Variants in UPRT observed in about 807,000 individuals in gnomAD.
The protein encoded by UPRT is uracil phosphoribosyltransferase homolog.
In UPRT, 5 loss-of-function variants were observed where a neutral mutation model predicts 22.6. The observed-to-expected ratio is 0.22, with a 90% CI of 0.12 to 0.47. The LOEUF is 0.47. Ranked by LOEUF, UPRT falls within the 20% of genes least tolerant of loss-of-function variation. The pLI, the probability that UPRT is intolerant of heterozygous loss-of-function variation, is 0.99. For missense variants in UPRT, 181 were observed against 239.9 expected (o/e 0.75, Z 1.62); for synonymous variants, 77 against 87.7 (o/e 0.88, Z 0.68).
intron 4 of UPRT, among the ~76,000 whole-genome samples, chrX:75,267,833 A>G (rs758737627): frequency 1.8e-5 from 2 of 111,678 alleles, no homozygotes; most frequent in African/African-American, 6.5e-5. Flanking sequence ...CAACATGCTA[A>G]CATCACAATT....
chrX:75,231,446 G>T (rs2082438180), intron 4 of UPRT, among the ~76,000 whole-genome samples: 1 of 112,338 alleles, frequency 8.9e-6, no homozygotes, highest in African/African-American at 3.2e-5. Flanking sequence ...AGAAATTTGG[G>T]ATTATGTTAG....
intron 4 of UPRT, among the ~76,000 whole-genome samples, chrX:75,249,260 T>A (rs1401050548): frequency 2.7e-5 from 3 of 111,715 alleles, no homozygotes; most frequent in East Asian, 2.8e-4. Flanking sequence ...ATGTACAGAC[T>A]GGCAAATTGG....
At chrX:75,284,480 A>G (rs952386082) in intron 1 of UPRT, among the ~76,000 whole-genome samples, 2 of 111,723 alleles carry the variant, frequency 1.8e-5, no homozygotes, top group African/African-American at 6.5e-5. Context: ...CTTTTGTCCC[A>G]CGGGGTGTTT....
At chrX:75,248,923 G>T (rs1376635055) in intron 4 of UPRT, among the ~76,000 whole-genome samples, 5 of 111,853 alleles carry the variant, frequency 4.5e-5, no homozygotes, top group African/African-American at 9.8e-5. Context: ...TTAAAGAAAA[G>T]AATTTTCAAC....
chrX:75,185,501 G>T (rs1032347488), intron 4 of UPRT, among the ~76,000 whole-genome samples: 1 of 111,850 alleles, frequency 8.9e-6, no homozygotes, highest in Admixed American at 9.5e-5. Flanking sequence ...TTGTGTCTCT[G>T]TCTGGCTTTG....
Position 75,303,591 on chromosome X carries a change from GGGTGGC to G in UPRT, c.*81_*86del. ...CTATTTGTTTTACTGATTCACTTGA[GGGTGGC>G]AGAGAAAAATGTGTTAAAATGCTTT... is the stretch of plus-strand genomic sequence containing the variant. On this transcript the variant is annotated 3_prime_UTR_variant, in exon 7 of 7. Coordinates refer to ENST00000373383, the MANE Select transcript of UPRT (RefSeq NM_145052.4). The G allele has an allele frequency of 1.2e-6, 1 of 821,897 alleles. No individual in the cohort carries two copies. Among genetic ancestry groups the G allele is most frequent in the Non-Finnish European group, 1.7e-6 (1 of 587,309 alleles). 67.7% of individuals were successfully genotyped at this position (821,897 alleles called of 1,213,427 possible).
chrX:75,203,177 A>G (rs1602452002), intron 4 of UPRT, among the ~76,000 whole-genome samples: 1 of 111,679 alleles, frequency 9.0e-6, no homozygotes, highest in South Asian at 3.7e-4. Flanking sequence ...CTTTAAACCA[A>G]CAAAGATCAA....
intron 4 of UPRT, among the ~76,000 whole-genome samples, chrX:75,185,454 T>C (rs1370007384): frequency 2.7e-5 from 3 of 112,213 alleles, no homozygotes; most frequent in African/African-American, 9.7e-5. Context: ...TGCATCTATG[T>C]TCATCAAGGA....
intron 4 of UPRT, among the ~76,000 whole-genome samples, chrX:75,256,381 T>G (rs1289940338): frequency 1.8e-5 from 2 of 111,520 alleles, no homozygotes; most frequent in African/African-American, 6.5e-5. Flanking sequence ...AGAGGAAAGT[T>G]CATAGCCATA....
chrX:75,211,255 T>C (rs1274006561), intron 4 of UPRT, among the ~76,000 whole-genome samples: 1 of 110,582 alleles, frequency 9.0e-6, no homozygotes, highest in African/African-American at 3.3e-5. Flanking sequence ...GTACCCGAAT[T>C]CCTCCGGGAG....
chrX:75,277,739 A>G (rs1264527284), intron 1 of UPRT, among the ~76,000 whole-genome samples: 1 of 112,023 alleles, frequency 8.9e-6, no homozygotes, highest in Admixed American at 9.5e-5. Context: ...TTTTATCTTG[A>G]AAATGAATAC....
chrX:75,304,060 T>A lies in UPRT; in HGVS notation c.*549T>A, dbSNP rs1378066803. Reference sequence around the variant, plus strand: ...AGTTGGCAGACCTAGGATGTATGGTTAACTCTCAGGCCATTATGTTTTTCA... The same window carrying A: ...AGTTGGCAGACCTAGGATGTATGGTAAACTCTCAGGCCATTATGTTTTTCA... On this transcript the variant is annotated 3_prime_UTR_variant, in exon 7 of 7. Transcript: ENST00000373383. 8.9e-6 allele frequency: 1 copy of A among 112,582 alleles called. No individual in the cohort carries two copies. The highest frequency in any genetic ancestry group is 3.2e-5 in the African/African-American group (1 of 30,920). 9.3% of individuals were successfully genotyped at this position (112,582 alleles called of 1,213,427 possible).
chrX:75,287,454 C>T (rs895844206), intron 1 of UPRT, among the ~76,000 whole-genome samples: 2 of 111,474 alleles, frequency 1.8e-5, no homozygotes, highest in Non-Finnish European at 3.8e-5. Flanking sequence ...CAGTGAGACT[C>T]TTAAAAGGTT....
At chrX:75,162,738 G>A (rs1250388438) in intron 2 of UPRT, among the ~76,000 whole-genome samples, 1 of 111,492 alleles carries the variant, frequency 9.0e-6, no homozygotes, top group African/African-American at 3.3e-5. Context: ...GTTTGAGGGA[G>A]CCTCTCTGGC....
chrX:75,175,219 T>A (rs1189111730), intron 4 of UPRT, among the ~76,000 whole-genome samples: 4 of 111,637 alleles, frequency 3.6e-5, no homozygotes, highest in Non-Finnish European at 5.6e-5. Flanking sequence ...TCAGTGTTGA[T>A]TCCTTCCTCA....
At chrX:75,264,112 T>A (rs957072404) in intron 4 of UPRT, among the ~76,000 whole-genome samples, 2 of 111,874 alleles carry the variant, frequency 1.8e-5, no homozygotes, top group African/African-American at 6.5e-5. Flanking sequence ...TTCTTTTACA[T>A]TTGCTGAGGA....
At chrX:75,250,505 A>T (rs1457326458) in intron 4 of UPRT, among the ~76,000 whole-genome samples, 1 of 111,777 alleles carries the variant, frequency 8.9e-6, no homozygotes, top group Non-Finnish European at 1.9e-5. Flanking sequence ...CCCAAGACTA[A>T]ACCAGGAAGA....
upstream of UPRT, among the ~76,000 whole-genome samples, chrX:75,272,538 A>G (rs868601541): frequency 1.7e-4 from 18 of 107,221 alleles, no homozygotes; most frequent in African/African-American, 5.1e-4. Flanking sequence ...GCTATGATGG[A>G]TACAAAGGCA....
rs367656257 is a variant in UPRT at position 75,238,170 on chromosome X, T to G, written c.-446-52854T>G. Among the ~76,000 whole-genome samples the G allele has an allele frequency of 3.8e-4, 42 of 111,326 alleles. 1 individual carries two copies. In the East Asian group the frequency reaches 8.2e-3, roughly 22 times the overall value. On this transcript the variant is annotated intron_variant, in intron 4 of 13. Coordinates refer to the UPRT transcript ENST00000652605. ...TGCAAATGGCCCTAAATGCTCTGCT[T>G]AAAAGATGCAGAATGGCAGAGTGGA...
Sources: gnomAD v4.1 joint callset for allele counts (sites outside exome capture counted in the v4.1 genomes callset) on GRCh38, gnomAD v4.1.1 for gene constraint, MANE v1.5 for transcripts, NCBI Gene and HGNC (gene_info 2026-07-23, HGNC 2026-07-21) for gene names.